EYS: variants seen among roughly 807,000 people sequenced by gnomAD.
EYS encodes the protein protein eyes shut homolog.
EYS carries 250 observed loss-of-function variants against 282.1 expected under a neutral mutation model. That is an observed-to-expected ratio of 0.89 (90% CI 0.80 to 0.98). The LOEUF (loss-of-function observed/expected upper bound fraction) is 0.98. Among genes scored for constraint, EYS ranks in the 50% least tolerant of loss-of-function variants. EYS has a pLI of 0.00. For synonymous variants in EYS, 1,355 were observed against 1,282.9 expected (o/e 1.06, Z -1.20); for missense variants, 4,016 against 3,709.0 (o/e 1.08, Z -2.15).
chr6:65,522,406 G>T (rs1438153042), intron 2 of EYS, among the ~76,000 whole-genome samples: 2 of 152,132 alleles, frequency 1.3e-5, no homozygotes, highest in African/African-American at 4.8e-5. Context: ...CTCAAGATCA[G>T]CCTGGGTAAT....
intron 26 of EYS, among the ~76,000 whole-genome samples, chr6:64,531,487 C>T (rs147100508): frequency 6.6e-6 from 1 of 150,866 alleles, no homozygotes; most frequent in Non-Finnish European, 1.5e-5. Flanking sequence ...CCCGGATTCA[C>T]GCCATTCTCC....
At chr6:64,555,656 A>G (rs949763390) in intron 26 of EYS, among the ~76,000 whole-genome samples, 1 of 151,922 alleles carries the variant, frequency 6.6e-6, no homozygotes, top group Admixed American at 6.6e-5. Context: ...TACAAAAAGG[A>G]AATACAGATG....
chr6:64,449,349 G>C (rs13214689), intron 26 of EYS, among the ~76,000 whole-genome samples: 1 of 151,912 alleles, frequency 6.6e-6, no homozygotes, highest in African/African-American at 2.4e-5. Context: ...AGACATATGG[G>C]ACTACGTGAA....
intron 1 of EYS, among the ~76,000 whole-genome samples, chr6:65,674,209 G>T (rs59107941): frequency 0.43 from 65,249 of 151,298 alleles, 15,103 homozygotes; most frequent in East Asian, 0.65. Flanking sequence ...GAGTTAAAGA[G>T]GTAAAACTCT....
In EYS at chr6:63,996,992, T is replaced by C. The variant is rs566018422; in HGVS notation, c.6834+2083A>G. Among the ~76,000 whole-genome samples the C allele has an allele frequency of 3.9e-5, 6 of 152,350 alleles. 1 individual carries two copies. In the South Asian group the frequency reaches 1.2e-3, roughly 32 times the overall value. On this transcript the variant is annotated intron_variant, in intron 34 of 42. Coordinates refer to ENST00000503581, the MANE Select transcript of EYS (RefSeq NM_001142800.2). ...AATCTGGCTTTGTTTTGGGTTTATG[T>C]ACTGAAAAATACTATTTTGTACATA...
chr6:65,201,514 C>A lies in EYS; in HGVS notation c.2023+94349G>T, dbSNP rs140938885. On this transcript the variant is annotated intron_variant, in intron 12 of 42. Transcript: ENST00000503581. ...TTAGAGGATGACTAAATTGAAAAATCTTTCTACAAATAACGTGGTGAATAA... is the reference window on the plus strand; with the variant it reads ...TTAGAGGATGACTAAATTGAAAAATATTTCTACAAATAACGTGGTGAATAA... Among the ~76,000 whole-genome samples, 334 of 152,234 alleles carry A rather than the reference C, an allele frequency of 2.2e-3. 3 individuals carry two copies. The highest frequency in any genetic ancestry group is 2.3e-3 in the South Asian group (11 of 4,824).
intron 42 of EYS, 95 bp from the exon 43 acceptor site, chr6:63,721,892 A>T (rs1271292062): frequency 8.4e-7 from 1 of 1,187,278 alleles, no homozygotes; most frequent in African/African-American, 1.6e-5. Flanking sequence ...AGTTTTAGTT[A>T]TGGGGAAAAA....
chr6:64,065,816 T>A (rs1231081623), intron 33 of EYS, among the ~76,000 whole-genome samples: 1 of 152,214 alleles, frequency 6.6e-6, no homozygotes. Flanking sequence ...AGTATTAAAT[T>A]ATAGCTTAGT....
intron 9 of EYS, among the ~76,000 whole-genome samples, chr6:65,345,039 G>A (rs1323379303): frequency 6.6e-6 from 1 of 151,592 alleles, no homozygotes. Context: ...AAAATAGAAT[G>A]TAAGCTATGC....
chr6:63,955,342 C>G (rs1765770353), intron 35 of EYS, among the ~76,000 whole-genome samples: 1 of 152,170 alleles, frequency 6.6e-6, no homozygotes, highest in South Asian at 2.1e-4. Context: ...CTGATATCTC[C>G]TGGTTTTACC....
At chr6:64,815,416 T>G (rs746482873) in intron 21 of EYS, among the ~76,000 whole-genome samples, 29 of 152,046 alleles carry the variant, frequency 1.9e-4, no homozygotes, top group Non-Finnish European at 2.9e-4. Flanking sequence ...TTGAATTGTA[T>G]CTCCCATGGG....
At chr6:65,547,316 T>C (rs1768427661) in intron 2 of EYS, among the ~76,000 whole-genome samples, 1 of 151,806 alleles carries the variant, frequency 6.6e-6, no homozygotes, top group Non-Finnish European at 1.5e-5. Flanking sequence ...AAAAACTATA[T>C]AAGCCCTCTT....
chr6:64,933,859 A>C (rs760784570), intron 15 of EYS, among the ~76,000 whole-genome samples: 6 of 152,120 alleles, frequency 3.9e-5, no homozygotes, highest in Admixed American at 6.6e-5. Context: ...GGAAACCATC[A>C]TTATCAGCAA....
At chr6:64,497,978 C>CAA (rs1441146751) in intron 26 of EYS, among the ~76,000 whole-genome samples, 2 of 151,932 alleles carry the variant, frequency 1.3e-5, no homozygotes, top group Non-Finnish European at 2.9e-5. Context: ...TAAGGAAAAC[C>CAA]AAACACACCA....
chr6:65,068,377 C>T (rs1429739976), intron 12 of EYS, among the ~76,000 whole-genome samples: 1 of 152,094 alleles, frequency 6.6e-6, no homozygotes, highest in Non-Finnish European at 1.5e-5. Context: ...TTCAGTTAAT[C>T]AAGTGTGACC....
chr6:65,680,020 C>T (rs1383272158), intron 1 of EYS, among the ~76,000 whole-genome samples: 1 of 151,328 alleles, frequency 6.6e-6, no homozygotes, highest in African/African-American at 2.4e-5. Context: ...AAATTATGTA[C>T]ATAAAACTTG....
chr6:64,293,562 T>C (rs977153439), intron 30 of EYS, among the ~76,000 whole-genome samples: 4 of 152,086 alleles, frequency 2.6e-5, no homozygotes, highest in Non-Finnish European at 4.4e-5. Flanking sequence ...GTCATTATCC[T>C]TATATGGAAA....
At chr6:64,589,850 C>T (rs907962800) in intron 26 of EYS, among the ~76,000 whole-genome samples, 34 of 151,830 alleles carry the variant, frequency 2.2e-4, no homozygotes, top group African/African-American at 7.7e-4. Context: ...CTGAAGATAC[C>T]GTTAGAAAGA....
At chr6:64,884,127 T>C (rs1420363885) in intron 19 of EYS, among the ~76,000 whole-genome samples, 1 of 151,582 alleles carries the variant, frequency 6.6e-6, no homozygotes, top group Admixed American at 6.6e-5. Flanking sequence ...TAATTAAGAA[T>C]CATAAACTTT....
Sources: gnomAD v4.1 joint callset for allele counts (sites outside exome capture counted in the v4.1 genomes callset) on GRCh38, gnomAD v4.1.1 for gene constraint, MANE v1.5 for transcripts, NCBI Gene and HGNC (gene_info 2026-07-23, HGNC 2026-07-21) for gene names.